The following SLC28A1 variants were observed in gnomAD, a reference collection of about 807,000 sequenced individuals.
SLC28A1 encodes the protein solute carrier family 28 member 1.
A neutral mutation model predicts 74.8 loss-of-function variants in SLC28A1; 64 were observed. That is an observed-to-expected ratio of 0.86 (90% CI 0.70 to 1.05). The LOEUF is 1.05. Among genes scored for constraint, SLC28A1 ranks in the 50% least tolerant of loss-of-function variants. The probability of loss-of-function intolerance (pLI) is 0.00; values close to 1 mark genes in which losing one functional copy is unlikely to be tolerated. For missense variants in SLC28A1, 828 were observed against 822.8 expected (o/e 1.01, Z -0.08); for synonymous variants, 359 against 335.0 (o/e 1.07, Z -0.78).
chr15:84,973,673 C>T, the SLC28A1 span, among the ~76,000 whole-genome samples: 3 of 152,222 alleles, frequency 2.0e-5, no homozygotes, highest in African/African-American at 7.2e-5. Flanking sequence ...GCTTCCTGTA[C>T]ATCACAGCAC....
rs1966966970 is a variant in SLC28A1 at position 84,905,608 on chromosome 15, G to A, written c.673G>A (p.Glu225Lys). The A allele has an allele frequency of 6.2e-7, 1 of 1,614,056 alleles. No homozygotes were observed. Among genetic ancestry groups the A allele is most frequent in the Non-Finnish European group, 8.5e-7 (1 of 1,180,020 alleles). The change falls in exon 8 of 19, where the codon GAA becomes AAA. Residue 225 changes from glutamate (E) to lysine (K), a missense_variant. Coordinates refer to ENST00000394573, the MANE Select transcript of SLC28A1 (RefSeq NM_004213.5). Reference protein sequence around the residue: ...FVLGLLVIRTEPGFIAFEWLG... With the variant: ...FVLGLLVIRTKPGFIAFEWLG... The stretch of plus-strand genomic sequence containing the variant: ...ACTTGGACTCCTCGTCATCAGAACA[G>A]AACCAGGATTCATTGCGTTCGAGTG...
chr15:84,933,917 G>A (rs1475061596), intron 13 of SLC28A1, among the ~76,000 whole-genome samples: 3 of 152,202 alleles, frequency 2.0e-5, no homozygotes, highest in Non-Finnish European at 4.4e-5. Context: ...GGAGGTTGCA[G>A]TAAGCCTAGA....
intron 5 of SLC28A1, among the ~76,000 whole-genome samples, chr15:84,890,903 C>G (rs1965300619): frequency 6.6e-6 from 1 of 152,150 alleles, no homozygotes; most frequent in African/African-American, 2.4e-5. Flanking sequence ...GGCAAAGGCA[C>G]TCCACACAGA....
intron 5 of SLC28A1, among the ~76,000 whole-genome samples, chr15:84,891,322 C>A (rs1455282836): frequency 6.6e-6 from 1 of 152,078 alleles, no homozygotes; most frequent in Non-Finnish European, 1.5e-5. Flanking sequence ...ACTGGGTGTG[C>A]AGCATGAAGG....
chr15:84,943,654 T>C (rs1972971883), intron 16 of SLC28A1, 128 bp downstream of exon 16: 2 of 756,700 alleles, frequency 2.6e-6, no homozygotes, highest in South Asian at 2.9e-5. Context: ...AGAGGCCAGG[T>C]GTGGTGGCTC....
chr15:84,951,412 C>A, the SLC28A1 span, among the ~76,000 whole-genome samples: 1 of 144,350 alleles, frequency 6.9e-6, no homozygotes, highest in Non-Finnish European at 1.5e-5. Flanking sequence ...GGTGACAGAG[C>A]GAGACCCTGT....
intron 9 of SLC28A1, among the ~76,000 whole-genome samples, chr15:84,912,806 G>GCGCACACACACA (rs764101004): frequency 1.4e-4 from 16 of 112,294 alleles, no homozygotes; most frequent in Middle Eastern, 5.7e-3. Flanking sequence ...TTGCGCGCGC[G>GCGCACACACACA]CACACACACA....
At position 84,945,339 on chromosome 15, in the gene SLC28A1, G is replaced by A; in HGVS notation, c.*139G>A. On this transcript the variant is annotated 3_prime_UTR_variant, in exon 19 of 19. Coordinates refer to ENST00000394573, the MANE Select transcript of SLC28A1 (RefSeq NM_004213.5). ...CCAGCTCAATCCCACAATTGGGAAG[G>A]GTTCATGGAGTGAGTGTGCAGAGAG... is the stretch of plus-strand genomic sequence containing the variant. 5 of 773,686 alleles carry A rather than the reference G, an allele frequency of 6.5e-6. No individual in the cohort carries two copies. The East Asian group carries it at 8.0e-5, about 12-fold the overall frequency. The allele number at this position is 773,686 out of a possible 1,614,324, so 47.9% of individuals were successfully genotyped here. A position where few individuals can be genotyped will look rare whatever the true frequency, so the allele number is the denominator to read the frequency against.
chr15:84,935,527 C>A lies in SLC28A1; in HGVS notation c.1581+9C>A, dbSNP rs375397340. ...GGAAGCAGTGGATCTCCGTGAGTGT[C>A]CCAGTCCCTTCCCTGCAGCAGGGGG... On this transcript the variant is annotated intron_variant, in intron 15 of 18. Coordinates refer to ENST00000394573, the MANE Select transcript of SLC28A1 (RefSeq NM_004213.5). 132 of 1,609,846 alleles carry A rather than the reference C, an allele frequency of 8.2e-5. 1 individual carries two copies. The highest frequency in any genetic ancestry group is 8.8e-5 in the Non-Finnish European group (104 of 1,178,214).
intron 12 of SLC28A1, among the ~76,000 whole-genome samples, chr15:84,932,078 G>T (rs1002482245): frequency 5.3e-5 from 8 of 152,114 alleles, no homozygotes; most frequent in Admixed American, 2.6e-4. Flanking sequence ...TGCCATTTTG[G>T]TGTATTTCTT....
chr15:84,886,639 G>T, intron 1 of SLC28A1, 33 bp from the exon 2 acceptor site: 9 of 985,512 alleles, frequency 9.1e-6, no homozygotes, highest in Non-Finnish European at 1.1e-5. Context: ...TGGGTGGCAG[G>T]CCCAACCTAC....
chr15:84,886,060 T>C, intron 1 of SLC28A1: 1 of 773,018 alleles, frequency 1.3e-6, no homozygotes. Flanking sequence ...TCCCGTCAGA[T>C]GAGTTTAATG....
intron 12 of SLC28A1, among the ~76,000 whole-genome samples, chr15:84,929,483 G>T (rs1012971225): frequency 1.3e-5 from 2 of 151,612 alleles, no homozygotes; most frequent in Admixed American, 1.3e-4. Flanking sequence ...GGCAGAGGTT[G>T]CAGTGAGCCG....
the SLC28A1 span, among the ~76,000 whole-genome samples, chr15:84,965,632 A>T: frequency 6.6e-6 from 1 of 152,314 alleles, no homozygotes; most frequent in African/African-American, 2.4e-5. Flanking sequence ...TAACTTCCAA[A>T]GTATACCTAA....
At chr15:84,909,471 G>A (rs1360273309) in intron 9 of SLC28A1, among the ~76,000 whole-genome samples, 5 of 152,236 alleles carry the variant, frequency 3.3e-5, no homozygotes, top group Non-Finnish European at 5.9e-5. Flanking sequence ...TCTAATGGTG[G>A]AGCCCCAACC....
Position 84,895,481 on chromosome 15 carries a change from T to G in SLC28A1, c.461+358T>G, listed in dbSNP as rs1965893264. 3 of 1,608,718 alleles carry G rather than the reference T, an allele frequency of 1.9e-6. No individual in the cohort carries two copies. In the South Asian group the frequency reaches 3.3e-5, roughly 18 times the overall value. On this transcript the variant is annotated intron_variant, in intron 6 of 18. Coordinates refer to ENST00000394573, the MANE Select transcript of SLC28A1 (RefSeq NM_004213.5). ...GCAGGGACCATCCCTGGAGGGGGAT[T>G]CAGCAGGCTCGATCGGGGTCCAGGT...
the SLC28A1 span, among the ~76,000 whole-genome samples, chr15:84,968,277 G>T: frequency 1.3e-5 from 2 of 152,166 alleles, no homozygotes; most frequent in Non-Finnish European, 2.9e-5. Flanking sequence ...TGTGAGGGTG[G>T]GATGCAAAAA....
At chr15:84,887,972 C>A in intron 3 of SLC28A1, 116 bp downstream of exon 3, 2 of 755,058 alleles carry the variant, frequency 2.6e-6, no homozygotes, top group Middle Eastern at 3.1e-4. Flanking sequence ...TTCTTCTGCC[C>A]CCTTCTCACC....
chr15:84,888,669 C>A (rs960723800), intron 3 of SLC28A1, 103 bp from the exon 4 acceptor site: 34 of 766,804 alleles, frequency 4.4e-5, no homozygotes, highest in Admixed American at 6.0e-5. Flanking sequence ...CCAGCCCAGT[C>A]CCCTCCTCAG....
Sources: allele counts gnomAD v4.1 joint callset (sites outside exome capture counted in the v4.1 genomes callset), GRCh38; gene constraint gnomAD v4.1.1; transcripts MANE v1.5; gene names NCBI Gene and HGNC (gene_info 2026-07-23, HGNC 2026-07-21).